BMAL1: variants seen among roughly 807,000 people sequenced by gnomAD.
The protein encoded by BMAL1 is basic helix-loop-helix ARNT-like protein 1.
At chr11:13,357,153 C>A in the BMAL1 span, 4 of 1,607,062 alleles carry the variant, frequency 2.5e-6, no homozygotes, top group Non-Finnish European at 3.4e-6. This position sits in a 1 kb window ranked among gnomAD's most constrained non-coding sequence, Gnocchi z 4.8. Context: ...GCTTAGAGAG[C>A]AGCTGAGGAG....
At chr11:13,284,021 C>T in the BMAL1 span, among the ~76,000 whole-genome samples, 8 of 150,382 alleles carry the variant, frequency 5.3e-5, no homozygotes, top group African/African-American at 1.2e-4. Context: ...CCCTCACCTT[C>T]GTCCTTTTCT....
the BMAL1 span, chr11:13,366,579 A>G: frequency 4.2e-6 from 5 of 1,191,308 alleles, no homozygotes; most frequent in African/African-American, 7.6e-5. Context: ...CACAAAGGCA[A>G]CATGCAGACT....
the BMAL1 span, among the ~76,000 whole-genome samples, chr11:13,328,050 A>T: frequency 6.6e-6 from 1 of 152,130 alleles, no homozygotes; most frequent in Admixed American, 6.5e-5. Context: ...ATTTGCATTT[A>T]TTTCCCATAT....
the BMAL1 span, among the ~76,000 whole-genome samples, chr11:13,299,086 G>C: frequency 6.6e-6 from 1 of 152,166 alleles, no homozygotes; most frequent in Non-Finnish European, 1.5e-5. Flanking sequence ...CTTACAAGGG[G>C]GACTGGCTCC....
At chr11:13,341,024 C>A in the BMAL1 span, among the ~76,000 whole-genome samples, 10 of 152,194 alleles carry the variant, frequency 6.6e-5, no homozygotes, top group Non-Finnish European at 2.9e-5. Flanking sequence ...ACCCAAGAGG[C>A]CCCGCCCTGA....
At chr11:13,278,819 G>T in the BMAL1 span, among the ~76,000 whole-genome samples, 8 of 152,366 alleles carry the variant, frequency 5.3e-5, no homozygotes, top group African/African-American at 1.9e-4. Flanking sequence ...GGGAAGAAAA[G>T]GTTCCCGCTC....
chr11:13,334,882 C>T, the BMAL1 span, among the ~76,000 whole-genome samples: 2 of 152,222 alleles, frequency 1.3e-5, no homozygotes, highest in Non-Finnish European at 2.9e-5. Flanking sequence ...GATGCCTGGG[C>T]TTTTCTGGCC....
chr11:13,381,636 A>C, the BMAL1 span, among the ~76,000 whole-genome samples: 1 of 152,184 alleles, frequency 6.6e-6, no homozygotes, highest in African/African-American at 2.4e-5. Context: ...TAGGGCAGGC[A>C]ATGGAAACAG....
At chr11:13,362,085 T>C in the BMAL1 span, among the ~76,000 whole-genome samples, 2 of 152,114 alleles carry the variant, frequency 1.3e-5, no homozygotes. Flanking sequence ...GGAATTGGCT[T>C]CCCCAACAGT....
At chr11:13,310,471 G>T in the BMAL1 span, among the ~76,000 whole-genome samples, 1 of 152,186 alleles carries the variant, frequency 6.6e-6, no homozygotes, top group African/African-American at 2.4e-5. Context: ...TCATCGAAAG[G>T]AGTCACGGGC....
the BMAL1 span, among the ~76,000 whole-genome samples, chr11:13,306,960 G>T: frequency 5.1e-4 from 77 of 152,232 alleles, no homozygotes; most frequent in African/African-American, 1.9e-3. Context: ...CCCAGCGAAG[G>T]GGGAGAGCCT....
At chr11:13,377,962 T>G in the BMAL1 span, among the ~76,000 whole-genome samples, 1 of 152,216 alleles carries the variant, frequency 6.6e-6, no homozygotes, top group African/African-American at 2.4e-5. Context: ...CTGTCAAACT[T>G]ACAACATTTT....
the BMAL1 span, among the ~76,000 whole-genome samples, chr11:13,339,100 C>A: frequency 6.6e-6 from 1 of 152,240 alleles, no homozygotes; most frequent in Non-Finnish European, 1.5e-5. Flanking sequence ...GCCCTAGCTG[C>A]CCCCTTGGCT....
the BMAL1 span, among the ~76,000 whole-genome samples, chr11:13,368,919 A>G: frequency 2.6e-5 from 4 of 152,240 alleles, no homozygotes; most frequent in Non-Finnish European, 5.9e-5. Flanking sequence ...ATAAACAACT[A>G]ATAAGTTCGT....
chr11:13,295,746 T>C, the BMAL1 span, among the ~76,000 whole-genome samples: 1 of 152,224 alleles, frequency 6.6e-6, no homozygotes, highest in Admixed American at 6.5e-5. Flanking sequence ...GATTTATGCA[T>C]GCTGCAGCTT....
the BMAL1 span, among the ~76,000 whole-genome samples, chr11:13,313,375 C>T: frequency 3.3e-3 from 495 of 152,230 alleles, 3 homozygotes; most frequent in African/African-American, 0.011. Flanking sequence ...TGAAGACACC[C>T]GGATCTCCAT....
the BMAL1 span, among the ~76,000 whole-genome samples, chr11:13,333,472 G>A: frequency 2.6e-5 from 4 of 152,316 alleles, no homozygotes; most frequent in Middle Eastern, 3.4e-3. Context: ...AGTTTTGAAG[G>A]TTGTGTATGT....
the BMAL1 span, among the ~76,000 whole-genome samples, chr11:13,351,888 A>G: frequency 2.0e-5 from 3 of 152,200 alleles, no homozygotes; most frequent in Non-Finnish European, 4.4e-5. Flanking sequence ...AATAAGAGGA[A>G]AAAAACTGGA....
the BMAL1 span, chr11:13,358,631 A>G: frequency 4.7e-6 from 7 of 1,496,264 alleles, no homozygotes; most frequent in African/African-American, 1.4e-5. Context: ...GTCCTTGCCC[A>G]CAAATGTTAC....
Sources: gnomAD v4.1 joint callset for allele counts (sites outside exome capture counted in the v4.1 genomes callset) on GRCh38, gnomAD v4.1.1 for gene constraint, Gnocchi (gnomAD v3.1) non-coding constraint, MANE v1.5 for transcripts, NCBI Gene and HGNC (gene_info 2026-07-23, HGNC 2026-07-21) for gene names.